Variants in RBPJ observed in about 807,000 individuals in gnomAD.
The protein encoded by RBPJ is recombining binding protein suppressor of hairless.
A neutral mutation model predicts 67.8 loss-of-function variants in RBPJ; 9 were observed. That is an observed-to-expected ratio of 0.13 (90% CI 0.08 to 0.23). The LOEUF (loss-of-function observed/expected upper bound fraction) is 0.23. Ranked by LOEUF, RBPJ falls within the 10% of genes least tolerant of loss-of-function variation. The probability of loss-of-function intolerance (pLI) is 1.00; values close to 1 mark genes in which losing one functional copy is unlikely to be tolerated. For synonymous variants in RBPJ, 198 were observed against 203.3 expected (o/e 0.97, Z 0.22); for missense variants, 305 against 595.6 (o/e 0.51, Z 5.08).
upstream of RBPJ, chr4:26,319,878 G>C: frequency 1.2e-6 from 2 of 1,600,988 alleles, no homozygotes; most frequent in Non-Finnish European, 1.7e-6. Context: ...GGGAAAGATG[G>C]GGGGCTGCAG....
chr4:26,218,677 G>A (rs16878186), intron 1 of RBPJ, among the ~76,000 whole-genome samples: 15,854 of 152,044 alleles, frequency 0.1, 1,374 homozygotes, highest in African/African-American at 0.23. Context: ...ATACCCCCTC[G>A]GCCTCGCCAC....
intron 1 of RBPJ, among the ~76,000 whole-genome samples, chr4:26,328,432 A>G (rs1295164786): frequency 2.6e-5 from 4 of 152,154 alleles, no homozygotes; most frequent in African/African-American, 9.7e-5. Context: ...ACAGGTAATT[A>G]TTGTGTAAGG....
At chr4:26,315,936 GCAGT>G (rs1722595167), upstream of RBPJ, among the ~76,000 whole-genome samples, 1 of 152,062 alleles carries the variant, frequency 6.6e-6, no homozygotes, top group Non-Finnish European at 1.5e-5. Flanking sequence ...CACCCCGCAG[GCAGT>G]CAGACCTTAT....
At chr4:26,229,367 C>CA (rs1290289517) in intron 1 of RBPJ, among the ~76,000 whole-genome samples, 1 of 152,138 alleles carries the variant, frequency 6.6e-6, no homozygotes, top group Non-Finnish European at 1.5e-5. Flanking sequence ...TGGCACAACT[C>CA]AGAAATGGGC....
At chr4:26,337,909 A>T (rs977630754) in intron 1 of RBPJ, among the ~76,000 whole-genome samples, 3 of 151,734 alleles carry the variant, frequency 2.0e-5, no homozygotes, top group African/African-American at 7.3e-5. Context: ...CTGTCTATTC[A>T]TTTATGTCTT....
At chr4:26,290,306 G>A (rs1280892685) in intron 1 of RBPJ, among the ~76,000 whole-genome samples, 5 of 132,748 alleles carry the variant, frequency 3.8e-5, no homozygotes, top group African/African-American at 8.2e-5. Context: ...ACCACAGAAC[G>A]AGACCCTGTC....
chr4:26,338,078 C>T (rs1483659286), intron 1 of RBPJ, among the ~76,000 whole-genome samples: 6 of 130,856 alleles, frequency 4.6e-5, no homozygotes, highest in South Asian at 2.4e-4. Context: ...TTTCTTTTGG[C>T]TTTGTGTTTT....
intron 1 of RBPJ, among the ~76,000 whole-genome samples, chr4:26,336,685 TTAAG>T (rs1724870985): frequency 6.6e-6 from 1 of 151,988 alleles, no homozygotes; most frequent in African/African-American, 2.4e-5. Flanking sequence ...CTTTAGAAAT[TTAAG>T]TAAGCTTTTG....
At chr4:26,177,592 G>GAGAGAA (rs1716839484) in intron 1 of RBPJ, among the ~76,000 whole-genome samples, 1 of 150,640 alleles carries the variant, frequency 6.6e-6, no homozygotes, top group Non-Finnish European at 1.5e-5. Context: ...AAAGAAGAAA[G>GAGAGAA]AGAGAAAGAG....
chr4:26,405,842 T>A (rs1435617883), intron 2 of RBPJ, among the ~76,000 whole-genome samples: 1 of 152,160 alleles, frequency 6.6e-6, no homozygotes, highest in African/African-American at 2.4e-5. Context: ...TTTATAATAT[T>A]TTAGAGCCAC....
In RBPJ at chr4:26,432,966, G is replaced by A. The variant is rs1736364523; in HGVS notation, c.*1959G>A. ...ATATTCTTCCTAACATCTTTAAATC[G>A]CCTTTTCCTCAGTTTTCAAGGGGAA... On this transcript the variant is annotated 3_prime_UTR_variant, in exon 11 of 11. Coordinates refer to ENST00000355476, the MANE Select transcript of RBPJ (RefSeq NM_015874.6). 1 of 151,842 alleles carries A rather than the reference G, an allele frequency of 6.6e-6. No homozygotes were observed. Among genetic ancestry groups the A allele is most frequent in the Non-Finnish European group, 1.5e-5 (1 of 67,996 alleles). The allele number at this position is 151,842 out of a possible 1,614,324, so 9.4% of individuals were successfully genotyped here.
At chr4:26,210,751 C>A (rs1179430965) in intron 1 of RBPJ, among the ~76,000 whole-genome samples, 88 of 105,472 alleles carry the variant, frequency 8.3e-4, no homozygotes, top group African/African-American at 2.0e-3. Context: ...TTCCTTCTTT[C>A]CTTCTTTCTT....
intron 1 of RBPJ, among the ~76,000 whole-genome samples, chr4:26,305,260 C>T (rs1182180263): frequency 6.6e-6 from 1 of 152,154 alleles, no homozygotes; most frequent in African/African-American, 2.4e-5. Flanking sequence ...GTTTGAAATG[C>T]GGAAATATCA....
rs149943150 is a variant in RBPJ at position 26,382,634 on chromosome 4, C to T, written c.21-3719C>T. ...CACAACTCACTGCAGCCTCCATTCCCAGGCTCAGGTGATCCTCTCACTTCA... is the reference window on the plus strand; with the variant it reads ...CACAACTCACTGCAGCCTCCATTCCTAGGCTCAGGTGATCCTCTCACTTCA... On this transcript the variant is annotated intron_variant, in intron 1 of 10. Coordinates refer to ENST00000355476, the MANE Select transcript of RBPJ (RefSeq NM_015874.6). Among the ~76,000 whole-genome samples the T allele has an allele frequency of 5.8e-4, 89 of 152,308 alleles. 2 individuals carry two copies. The highest frequency in any genetic ancestry group is 2.1e-3 in the African/African-American group (88 of 41,580).
intron 1 of RBPJ, among the ~76,000 whole-genome samples, chr4:26,351,598 C>T (rs1180098099): frequency 1.3e-5 from 2 of 152,168 alleles, no homozygotes; most frequent in Non-Finnish European, 2.9e-5. Flanking sequence ...CCAGGCTGGT[C>T]TTGAACTCAG....
At chr4:26,184,782 T>C (rs574041455) in intron 1 of RBPJ, among the ~76,000 whole-genome samples, 45 of 152,070 alleles carry the variant, frequency 3.0e-4, no homozygotes, top group Non-Finnish European at 5.7e-4. Context: ...TGCCCAGAAG[T>C]ATAGTTTGTC....
intron 2 of RBPJ, among the ~76,000 whole-genome samples, chr4:26,388,138 G>T (rs185335291): frequency 6.6e-6 from 1 of 152,190 alleles, no homozygotes; most frequent in African/African-American, 2.4e-5. Flanking sequence ...AGAATTATTA[G>T]ATAAGAACAT....
At chr4:26,230,248 A>G (rs1719230593) in intron 1 of RBPJ, among the ~76,000 whole-genome samples, 1 of 152,194 alleles carries the variant, frequency 6.6e-6, no homozygotes, top group East Asian at 1.9e-4. Context: ...TATAATAGCC[A>G]AAAATTGAAA....
In RBPJ at chr4:26,430,153, A is replaced by G. The variant is rs570732610; in HGVS notation, c.1044+100A>G. The G allele has an allele frequency of 2.5e-5, 34 of 1,371,734 alleles. No individual in the cohort carries two copies. The highest frequency in any genetic ancestry group is 9.1e-5 in the East Asian group (4 of 43,758). The allele number at this position is 1,371,734 out of a possible 1,614,324, so 85.0% of individuals were successfully genotyped here. On this transcript the variant is annotated intron_variant, in intron 9 of 10. Transcript: ENST00000355476. The surrounding 1 kb of genome is among the most constrained non-coding windows in gnomAD (Gnocchi z 4.1). ...TCATGGGAGTTTTGATTTTTCTCCAATCGTCTGATTAGGGGATTTTTATAT... is the reference window on the plus strand; with the variant it reads ...TCATGGGAGTTTTGATTTTTCTCCAGTCGTCTGATTAGGGGATTTTTATAT...
Sources: allele counts gnomAD v4.1 joint callset (sites outside exome capture counted in the v4.1 genomes callset), GRCh38; gene constraint gnomAD v4.1.1; non-coding constraint Gnocchi (gnomAD v3.1); transcripts MANE v1.5; gene names NCBI Gene and HGNC (gene_info 2026-07-23, HGNC 2026-07-21).